MCC: variants seen among roughly 807,000 people sequenced by gnomAD.
MCC encodes MCC regulator of Wnt signaling pathway.
A neutral mutation model predicts 116.2 loss-of-function variants in MCC; 90 were observed. The observed-to-expected ratio is 0.77, with a 90% confidence interval of 0.65 to 0.92. The LOEUF (loss-of-function observed/expected upper bound fraction) is 0.92, where lower values mean the gene tolerates loss of function less well. Among genes scored for constraint, MCC ranks in the 40% least tolerant of loss-of-function variants. MCC has a pLI of 0.00. For synonymous variants in MCC, 578 were observed against 510.5 expected, an observed-to-expected ratio of 1.13 and a Z score of -1.78; for missense variants, 1,516 against 1,312.2, an observed-to-expected ratio of 1.16 and a Z score of -2.40.
intron 3 of MCC, among the ~76,000 whole-genome samples, chr5:113,257,057 CA>C (rs532065143): frequency 1.1e-3 from 170 of 152,254 alleles, no homozygotes; most frequent in African/African-American, 4.0e-3. Context: ...GTGGTTGTCA[CA>C]AATTTGTCTC....
At chr5:113,093,341 T>C (rs908472412) in intron 8 of MCC, among the ~76,000 whole-genome samples, 16 of 152,154 alleles carry the variant, frequency 1.1e-4, no homozygotes, top group African/African-American at 3.9e-4. Flanking sequence ...CAGCTTGCTA[T>C]GCAGGAGGAT....
intron 3 of MCC, among the ~76,000 whole-genome samples, chr5:113,284,360 T>C (rs534397105): frequency 2.8e-4 from 43 of 152,368 alleles, no homozygotes; most frequent in Non-Finnish European, 4.1e-4. Context: ...GGTGTTTCTA[T>C]GCCAGCATGG....
intron 16 of MCC, chr5:113,044,400 G>T (rs1751930653): frequency 4.3e-6 from 3 of 700,826 alleles, no homozygotes; most frequent in Non-Finnish European, 3.5e-6. Context: ...CAGTGACCAT[G>T]CCTGAGTGCT....
intron 3 of MCC, among the ~76,000 whole-genome samples, chr5:113,263,033 C>A (rs1765272508): frequency 6.6e-6 from 1 of 151,726 alleles, no homozygotes; most frequent in South Asian, 2.1e-4. Context: ...TTTTTTCCTA[C>A]TTGTATATTT....
intron 3 of MCC, among the ~76,000 whole-genome samples, chr5:113,259,636 G>A (rs77849340): frequency 0.028 from 4,219 of 152,256 alleles, 189 homozygotes; most frequent in African/African-American, 0.096. Context: ...AGTGCGGCCA[G>A]GAGAAGCACG....
At chr5:113,441,510 C>G (rs1771040972) in intron 1 of MCC, among the ~76,000 whole-genome samples, 1 of 151,922 alleles carries the variant, frequency 6.6e-6, no homozygotes, top group Non-Finnish European at 1.5e-5. Context: ...TTGTACAGCA[C>G]TTTTTTATTA....
intron 14 of MCC, 90 bp downstream of exon 14, chr5:113,063,894 T>C: frequency 7.2e-7 from 1 of 1,393,596 alleles, no homozygotes; most frequent in Non-Finnish European, 9.7e-7. Context: ...AGCCACACAG[T>C]CCCCAAGAGC....
At chr5:113,404,026 C>T (rs564423136) in intron 1 of MCC, among the ~76,000 whole-genome samples, 39 of 152,134 alleles carry the variant, frequency 2.6e-4, no homozygotes, top group African/African-American at 8.9e-4. Context: ...GTCATCATGC[C>T]CAGCTAATTT....
intron 1 of MCC, among the ~76,000 whole-genome samples, chr5:113,407,742 T>C (rs1769877209): frequency 6.6e-6 from 1 of 152,188 alleles, no homozygotes; most frequent in Non-Finnish European, 1.5e-5. Flanking sequence ...ACCTGTCACC[T>C]ATATTTTAAG....
At chr5:113,118,729 T>C (rs1471712698) in intron 6 of MCC, among the ~76,000 whole-genome samples, 2 of 152,180 alleles carry the variant, frequency 1.3e-5, no homozygotes, top group African/African-American at 4.8e-5. Context: ...ATATGGAAGC[T>C]TTTTTCCTGT....
intron 3 of MCC, among the ~76,000 whole-genome samples, chr5:113,266,190 T>G (rs1288660153): frequency 1.3e-5 from 2 of 152,048 alleles, no homozygotes; most frequent in Non-Finnish European, 2.9e-5. Context: ...AGTCAACCTC[T>G]ACCTTCAATC....
At chr5:113,226,808 T>A (rs866507422) in intron 3 of MCC, among the ~76,000 whole-genome samples, 1 of 152,338 alleles carries the variant, frequency 6.6e-6, no homozygotes, top group South Asian at 2.1e-4. Context: ...GTATTATTTA[T>A]CACTGGGTGA....
At chr5:113,145,485 C>A (rs781107776) in intron 4 of MCC, among the ~76,000 whole-genome samples, 5 of 152,038 alleles carry the variant, frequency 3.3e-5, no homozygotes, top group Non-Finnish European at 5.9e-5. Context: ...TCTTTGATGT[C>A]CTTACAGGTC....
intron 1 of MCC, among the ~76,000 whole-genome samples, chr5:113,469,488 C>A (rs188093089): frequency 2.6e-5 from 4 of 152,040 alleles, no homozygotes; most frequent in Non-Finnish European, 5.9e-5. Flanking sequence ...TGTAGTTGTG[C>A]GGTTTTGAGT....
chr5:113,140,296 G>C (rs550245049), intron 5 of MCC, among the ~76,000 whole-genome samples: 1 of 152,310 alleles, frequency 6.6e-6, no homozygotes, highest in African/African-American at 2.4e-5. Context: ...AATAGGACTT[G>C]CTTTATTAGA....
At chr5:113,257,377 T>C (rs75424476) in intron 3 of MCC, among the ~76,000 whole-genome samples, 2,351 of 151,870 alleles carry the variant, frequency 0.015, 62 homozygotes, top group African/African-American at 0.055. Flanking sequence ...CCAGGAATAA[T>C]GGGGCAGACG....
At chr5:113,120,256 G>T (rs1387171530) in intron 6 of MCC, among the ~76,000 whole-genome samples, 1 of 152,156 alleles carries the variant, frequency 6.6e-6, no homozygotes, top group Non-Finnish European at 1.5e-5. Flanking sequence ...TTAGCATGCT[G>T]GTATGAACTT....
At chr5:113,463,062 T>C (rs570222148) in intron 1 of MCC, among the ~76,000 whole-genome samples, 1 of 151,972 alleles carries the variant, frequency 6.6e-6, no homozygotes, top group African/African-American at 2.4e-5. Context: ...CTGAGCTGAG[T>C]TTACAGTTTG....
At chr5:113,099,395 T>G (rs1010988974) in intron 8 of MCC, among the ~76,000 whole-genome samples, 5 of 152,218 alleles carry the variant, frequency 3.3e-5, no homozygotes, top group African/African-American at 7.2e-5. Flanking sequence ...TCTTCAAACA[T>G]CTAAGGATTC....
Sources: gnomAD v4.1 joint callset for allele counts (sites outside exome capture counted in the v4.1 genomes callset) on GRCh38, gnomAD v4.1.1 for gene constraint, MANE v1.5 for transcripts, NCBI Gene and HGNC (gene_info 2026-07-23, HGNC 2026-07-21) for gene names.